The following FCN2 variants were observed in gnomAD, a reference collection of about 807,000 sequenced individuals.
FCN2 encodes the protein ficolin-2.
In FCN2, 31 loss-of-function variants were observed where a neutral mutation model predicts 32.5. The ratio of observed to expected loss-of-function variants is 0.96; its 90% CI spans 0.72 to 1.29. The LOEUF (loss-of-function observed/expected upper bound fraction) is 1.29, where lower values mean the gene tolerates loss of function less well. Among genes scored for constraint, FCN2 ranks in the 50% most tolerant of loss-of-function variants. FCN2 has a pLI of 0.00. For missense variants in FCN2, 412 were observed against 406.5 expected, an observed-to-expected ratio of 1.01 and a Z score of -0.12; for synonymous variants, 181 against 164.5, an observed-to-expected ratio of 1.10 and a Z score of -0.77.
chr9:134,879,733 G>T (rs563321209), upstream of FCN2, among the ~76,000 whole-genome samples: 4 of 152,170 alleles, frequency 2.6e-5, no homozygotes, highest in African/African-American at 9.7e-5. Context: ...AGGAAAATCC[G>T]ATGGGATTTT....
the FCN2 span, among the ~76,000 whole-genome samples, chr9:134,870,453 A>AC: frequency 1.8e-4 from 28 of 151,950 alleles, no homozygotes; most frequent in Non-Finnish European, 3.4e-4. This position sits in a 1 kb window ranked among gnomAD's most constrained non-coding sequence, Gnocchi z 4.3. Flanking sequence ...CACCTTCACC[A>AC]CCTGGCCTCT....
chr9:134,870,721 C>A, the FCN2 span, among the ~76,000 whole-genome samples: 1 of 152,140 alleles, frequency 6.6e-6, no homozygotes, highest in East Asian at 1.9e-4. The surrounding 1 kb of genome is among the most constrained non-coding windows in gnomAD (Gnocchi z 4.3). Flanking sequence ...ACAGTATAAG[C>A]CCCCAGACTC....
At chr9:134,879,819 C>T (rs966452100), upstream of FCN2, among the ~76,000 whole-genome samples, 1 of 152,106 alleles carries the variant, frequency 6.6e-6, no homozygotes, top group Non-Finnish European at 1.5e-5. Flanking sequence ...AAGAAGGCAC[C>T]TCGGCATCCC....
At chr9:134,879,936 C>G (rs1830640523), upstream of FCN2, among the ~76,000 whole-genome samples, 1 of 152,116 alleles carries the variant, frequency 6.6e-6, no homozygotes, top group Admixed American at 6.5e-5. Flanking sequence ...CTGCTACTGT[C>G]TCTGTCTCTA....
At chr9:134,865,016 C>G in the FCN2 span, among the ~76,000 whole-genome samples, 2 of 152,208 alleles carry the variant, frequency 1.3e-5, no homozygotes, top group African/African-American at 2.4e-5. Flanking sequence ...AGTGGGCGTA[C>G]AGGGCGCTGG....
At chr9:134,881,037 T>G in intron 1 of FCN2, 116 bp downstream of exon 1, 2 of 760,222 alleles carry the variant, frequency 2.6e-6, no homozygotes, top group Non-Finnish European at 4.7e-6. Flanking sequence ...GAGCATCGTC[T>G]AACGAGACAG....
At chr9:134,880,443 G>C (rs1427975731), upstream of FCN2, among the ~76,000 whole-genome samples, 1 of 152,222 alleles carries the variant, frequency 6.6e-6, no homozygotes, top group African/African-American at 2.4e-5. Flanking sequence ...ATTCGGATAA[G>C]GGAGAGAGAC....
chr9:134,886,042 C>G, intron 6 of FCN2, 145 bp downstream of exon 6: 1 of 843,238 alleles, frequency 1.2e-6, no homozygotes, highest in Non-Finnish European at 1.8e-6. Flanking sequence ...CTGGGACCTC[C>G]GAGGGCTTCG....
chr9:134,878,503 T>G (rs1260897205), upstream of FCN2, among the ~76,000 whole-genome samples: 3 of 152,238 alleles, frequency 2.0e-5, no homozygotes, highest in Admixed American at 6.5e-5. Flanking sequence ...GGTCTTCCTT[T>G]GCTTTCTAAA....
the FCN2 span, among the ~76,000 whole-genome samples, chr9:134,870,019 C>G: frequency 1.5e-4 from 23 of 152,142 alleles, no homozygotes; most frequent in Non-Finnish European, 3.2e-4. The surrounding 1 kb of genome is among the most constrained non-coding windows in gnomAD (Gnocchi z 4.3). Flanking sequence ...GAGGATGAAT[C>G]GGATCCGACT....
At chr9:134,885,141 G>A (rs1274506884) in intron 4 of FCN2, 98 bp from the exon 5 acceptor site, 11 of 1,515,470 alleles carry the variant, frequency 7.3e-6, no homozygotes, top group East Asian at 2.3e-5. Flanking sequence ...TCATACAGAC[G>A]CCTATGGCCC....
chr9:134,876,770 G>C (rs1195044273), upstream of FCN2, among the ~76,000 whole-genome samples: 1 of 152,084 alleles, frequency 6.6e-6, no homozygotes, highest in East Asian at 1.9e-4. Context: ...TAGAGAAGGG[G>C]TTTTGCCACG....
chr9:134,878,907 C>T (rs1830627530), upstream of FCN2, among the ~76,000 whole-genome samples: 1 of 152,160 alleles, frequency 6.6e-6, no homozygotes, highest in African/African-American at 2.4e-5. Context: ...ACTTATAAAC[C>T]TTATTATTCT....
At position 134,885,225 on chromosome 9, in the gene FCN2, G is replaced by A; in HGVS notation, c.302-14G>A. 2 of 1,614,032 alleles carry A rather than the reference G, an allele frequency of 1.2e-6. No homozygotes were observed. Among genetic ancestry groups the A allele is most frequent in the Non-Finnish European group, 1.7e-6 (2 of 1,179,984 alleles). ...GCTCCTGTCCTGCAGCCATTCCCCG[G>A]GTTCCCTTCCCAGGCCCGCGTACCT... On this transcript the variant is annotated splice_polypyrimidine_tract_variant and intron_variant, in intron 4 of 7. Coordinates refer to ENST00000291744, the MANE Select transcript of FCN2 (RefSeq NM_004108.3).
the FCN2 span, among the ~76,000 whole-genome samples, chr9:134,866,952 AC>A: frequency 3.3e-5 from 4 of 122,214 alleles, no homozygotes; most frequent in Admixed American, 8.6e-5. Context: ...ACCATCTCAC[AC>A]CAGTTAGAAT....
chr9:134,864,838 G>A, the FCN2 span, among the ~76,000 whole-genome samples: 1 of 152,250 alleles, frequency 6.6e-6, no homozygotes, highest in Non-Finnish European at 1.5e-5. Flanking sequence ...AGACCAGACA[G>A]AGGCTCAAAG....
intron 5 of FCN2, among the ~76,000 whole-genome samples, 185 bp from the exon 6 acceptor site, chr9:134,885,583 C>T (rs960236644): frequency 6.6e-6 from 1 of 152,004 alleles, no homozygotes; most frequent in South Asian, 2.1e-4. Flanking sequence ...TTGTTGCCTC[C>T]CCTCTCTGAG....
At chr9:134,874,660 GT>G in the FCN2 span, among the ~76,000 whole-genome samples, 3 of 151,792 alleles carry the variant, frequency 2.0e-5, no homozygotes, top group East Asian at 5.8e-4. Context: ...TCCCAAATTT[GT>G]TTTTTTTAAA....
In FCN2 at chr9:134,886,565, G is replaced by A. The variant is rs1443328162; in HGVS notation, c.694+1G>A. On this transcript the variant is annotated splice_donor_variant, in intron 7 of 7. Transcript: ENST00000291744. LOFTEE classifies it high-confidence loss of function. ...GGGGCCTTCGTGGAGGGCAGTGCGG[G>A]TGAGTGTCTGCTTGGGGCTGTGTGG... 6.2e-7 allele frequency: 1 copy of A among 1,613,940 alleles called. No homozygotes were observed. Among genetic ancestry groups the A allele is most frequent in the African/African-American group, 1.3e-5 (1 of 74,916 alleles).
Sources: allele counts gnomAD v4.1 joint callset (sites outside exome capture counted in the v4.1 genomes callset), GRCh38; gene constraint gnomAD v4.1.1; non-coding constraint Gnocchi (gnomAD v3.1); transcripts MANE v1.5; gene names NCBI Gene and HGNC (gene_info 2026-07-23, HGNC 2026-07-21).